SDK1: variants seen among roughly 807,000 people sequenced by gnomAD.
SDK1 encodes protein sidekick-1.
SDK1 carries 157 observed loss-of-function variants against 245.5 expected under a neutral mutation model. That is an observed-to-expected ratio of 0.64 (90% CI 0.56 to 0.73). The LOEUF (loss-of-function observed/expected upper bound fraction) is 0.73. SDK1 is among the 30% of genes least tolerant of loss of function. The pLI is 0.00. For synonymous variants in SDK1, 1,647 were observed against 1,278.5 expected (o/e 1.29, Z -6.15); for missense variants, 3,583 against 3,002.3 (o/e 1.19, Z -4.52).
At chr7:3,770,327 G>A (rs931097095) in intron 4 of SDK1, among the ~76,000 whole-genome samples, 1 of 152,122 alleles carries the variant, frequency 6.6e-6, no homozygotes, top group Non-Finnish European at 1.5e-5. Context: ...AATGGGTCAT[G>A]GTATGGATGT....
chr7:3,772,011 T>G (rs1780419144), intron 4 of SDK1, among the ~76,000 whole-genome samples: 1 of 152,222 alleles, frequency 6.6e-6, no homozygotes, highest in Non-Finnish European at 1.5e-5. Flanking sequence ...TCATACAGTA[T>G]TTCTCATTTT....
At chr7:3,349,687 C>G (rs1159640164) in intron 1 of SDK1, among the ~76,000 whole-genome samples, 1 of 151,992 alleles carries the variant, frequency 6.6e-6, no homozygotes, top group East Asian at 1.9e-4. Flanking sequence ...GCAAGCTCCA[C>G]CTCCCGGGTT....
Position 4,049,479 on chromosome 7 carries a change from T to C in SDK1, c.2718+16T>C, listed in dbSNP as rs767074912. 2 of 1,575,924 alleles carry C rather than the reference T, an allele frequency of 1.3e-6. No homozygotes were observed. The highest frequency in any genetic ancestry group is 1.7e-6 in the Non-Finnish European group (2 of 1,145,232). On this transcript the variant is annotated intron_variant, in intron 18 of 44. Transcript: ENST00000404826. ...GGGATACAAGGTACGTGGCCTGGGT[T>C]CAGGGCCTGTGGGCAGCTGTCATTG... is the stretch of plus-strand genomic sequence containing the variant.
intron 1 of SDK1, among the ~76,000 whole-genome samples, chr7:3,547,231 C>T (rs1223986947): frequency 6.6e-6 from 1 of 151,860 alleles, no homozygotes; most frequent in Non-Finnish European, 1.5e-5. Context: ...CTTTGATAGC[C>T]ACATATTTAA....
At chr7:4,127,101 C>A (rs2082930501) in intron 25 of SDK1, among the ~76,000 whole-genome samples, 1 of 152,136 alleles carries the variant, frequency 6.6e-6, no homozygotes, top group South Asian at 2.1e-4. Flanking sequence ...CTGCAGTTTC[C>A]ACAAGTTAAT....
chr7:3,701,435 T>G (rs1309110157), intron 4 of SDK1, among the ~76,000 whole-genome samples: 1 of 152,158 alleles, frequency 6.6e-6, no homozygotes, highest in Non-Finnish European at 1.5e-5. Context: ...TTTGTGTAGG[T>G]ACAGAAAAGA....
intron 22 of SDK1, among the ~76,000 whole-genome samples, chr7:4,103,579 T>C (rs1017670365): frequency 1.3e-5 from 2 of 152,260 alleles, no homozygotes; most frequent in African/African-American, 4.8e-5. Flanking sequence ...ATCATCTGTT[T>C]TGGAGCTCCG....
chr7:3,993,489 G>A (rs867119339), intron 14 of SDK1, among the ~76,000 whole-genome samples: 6 of 152,026 alleles, frequency 3.9e-5, no homozygotes, highest in African/African-American at 9.7e-5. Context: ...ATGAGTGTTC[G>A]TAATTGTGAT....
chr7:3,625,938 C>CT (rs1782103086), intron 2 of SDK1, among the ~76,000 whole-genome samples: 1 of 101,864 alleles, frequency 9.8e-6, no homozygotes, highest in Admixed American at 1.1e-4. Flanking sequence ...TCTTTCTTTT[C>CT]TTTCTTTTTT....
chr7:3,427,999 T>G (rs1779724111), intron 1 of SDK1, among the ~76,000 whole-genome samples: 1 of 152,234 alleles, frequency 6.6e-6, no homozygotes, highest in African/African-American at 2.4e-5. Context: ...TACCAGTGTT[T>G]CAGTGCTGTA....
chr7:3,769,572 T>C (rs1189123877), intron 4 of SDK1, among the ~76,000 whole-genome samples: 1 of 152,154 alleles, frequency 6.6e-6, no homozygotes, highest in African/African-American at 2.4e-5. Flanking sequence ...TAAATTTCAA[T>C]ATGACTTTCG....
intron 5 of SDK1, among the ~76,000 whole-genome samples, chr7:3,945,753 G>A (rs571877659): frequency 2.2e-4 from 33 of 151,658 alleles, no homozygotes; most frequent in African/African-American, 7.7e-4. Flanking sequence ...CAAAAAATAA[G>A]CCAGGCGTGA....
intron 4 of SDK1, among the ~76,000 whole-genome samples, chr7:3,700,423 G>C (rs374430557): frequency 2.6e-5 from 4 of 152,126 alleles, no homozygotes; most frequent in African/African-American, 9.7e-5. Context: ...AGTCATACTT[G>C]GTGTAGGATA....
intron 1 of SDK1, among the ~76,000 whole-genome samples, chr7:3,539,026 G>T (rs570478753): frequency 1.3e-5 from 2 of 152,286 alleles, no homozygotes; most frequent in East Asian, 3.9e-4. Flanking sequence ...CAGTTCATAG[G>T]AAAGAGTGTC....
intron 4 of SDK1, among the ~76,000 whole-genome samples, chr7:3,687,793 TG>T (rs1035439538): frequency 6.6e-6 from 1 of 152,148 alleles, no homozygotes; most frequent in Non-Finnish European, 1.5e-5. Context: ...ATGGAAACGC[TG>T]TGTGTCTTGA....
At chr7:3,858,466 C>T (rs892103460) in intron 5 of SDK1, among the ~76,000 whole-genome samples, 3 of 148,732 alleles carry the variant, frequency 2.0e-5, no homozygotes, top group African/African-American at 7.8e-5. Flanking sequence ...AAAAAATACC[C>T]AGGAAAAAAA....
chr7:3,817,857 G>A (rs1035782812), intron 4 of SDK1, among the ~76,000 whole-genome samples: 1 of 152,226 alleles, frequency 6.6e-6, no homozygotes, highest in Non-Finnish European at 1.5e-5. Context: ...ATGGCCAGAA[G>A]CACTTAGCGA....
chr7:3,992,563 C>T (rs1487798454), intron 14 of SDK1, among the ~76,000 whole-genome samples: 1 of 152,114 alleles, frequency 6.6e-6, no homozygotes, highest in Non-Finnish European at 1.5e-5. Flanking sequence ...ACCCTGTGAC[C>T]AGGCTGAGAA....
chr7:3,576,679 T>C (rs974500481), intron 1 of SDK1, among the ~76,000 whole-genome samples: 1 of 152,074 alleles, frequency 6.6e-6, no homozygotes, highest in African/African-American at 2.4e-5. Context: ...ATGTGACTTA[T>C]GCATGGTGTG....
Sources: allele counts gnomAD v4.1 joint callset (sites outside exome capture counted in the v4.1 genomes callset), GRCh38; gene constraint gnomAD v4.1.1; transcripts MANE v1.5; gene names NCBI Gene and HGNC (gene_info 2026-07-23, HGNC 2026-07-21).